FOCAD: variants seen among roughly 807,000 people sequenced by gnomAD.
FOCAD encodes KIAA1797.
A neutral mutation model predicts 225.6 loss-of-function variants in FOCAD; 198 were observed. That is an observed-to-expected ratio of 0.88 (90% CI 0.78 to 0.99). FOCAD has a LOEUF of 0.99. Ranked by LOEUF, FOCAD falls within the 50% of genes least tolerant of loss-of-function variation. The pLI, the probability that FOCAD is intolerant of heterozygous loss-of-function variation, is 0.00. For synonymous variants in FOCAD, 897 were observed against 755.0 expected, an observed-to-expected ratio of 1.19 and a Z score of -3.08; for missense variants, 2,713 against 2,123.6, an observed-to-expected ratio of 1.28 and a Z score of -5.46.
At position 20,762,280 on chromosome 9, in the gene FOCAD, A is replaced by G. The variant is rs373833605; in HGVS notation, c.495-2589A>G. Among the ~76,000 whole-genome samples the G allele has an allele frequency of 6.6e-5, 10 of 152,306 alleles. No homozygotes were observed. The South Asian group carries it at 8.3e-4, about 13-fold the overall frequency. ...CATACATTATCTGATTCCTTCATCT[A>G]TCTTTTTTTAGTTTCCGAAAGTAGA... On this transcript the variant is annotated intron_variant, in intron 6 of 43. Coordinates refer to ENST00000338382, the MANE Select transcript of FOCAD (RefSeq NM_001375567.1).
intron 15 of FOCAD, among the ~76,000 whole-genome samples, chr9:20,856,763 T>G (rs750025762): frequency 3.3e-5 from 5 of 152,102 alleles, no homozygotes; most frequent in Non-Finnish European, 5.9e-5. Context: ...GATTTGATTT[T>G]TATGTATGGT....
intron 15 of FOCAD, among the ~76,000 whole-genome samples, chr9:20,834,457 A>T (rs1171620415): frequency 6.6e-6 from 1 of 152,084 alleles, no homozygotes; most frequent in East Asian, 1.9e-4. Context: ...AAAAGTTGGA[A>T]AAAAGAAAAG....
chr9:20,926,600 A>G (rs1587632521), intron 26 of FOCAD, among the ~76,000 whole-genome samples, 183 bp downstream of exon 26: 1 of 152,096 alleles, frequency 6.6e-6, no homozygotes, highest in East Asian at 1.9e-4. Flanking sequence ...CCTGACCAAC[A>G]TGGAGAAACC....
At chr9:20,727,006 C>G (rs577224342) in intron 4 of FOCAD, among the ~76,000 whole-genome samples, 20 of 152,210 alleles carry the variant, frequency 1.3e-4, no homozygotes, top group African/African-American at 4.8e-4. Flanking sequence ...GCATTACTAT[C>G]TGAATTTGAT....
chr9:20,909,964 ATT>A (rs1156998576), intron 22 of FOCAD, among the ~76,000 whole-genome samples: 5 of 152,066 alleles, frequency 3.3e-5, no homozygotes, highest in African/African-American at 1.2e-4. Context: ...GTTTTATTCA[ATT>A]AAGCCTAGGA....
intron 35 of FOCAD, among the ~76,000 whole-genome samples, chr9:20,972,801 C>G (rs1358033109): frequency 6.6e-6 from 1 of 152,142 alleles, no homozygotes. Flanking sequence ...TCTTCTTCCA[C>G]CTTTTCAGTG....
At chr9:20,919,017 G>A (rs945796929) in intron 24 of FOCAD, among the ~76,000 whole-genome samples, 1 of 152,128 alleles carries the variant, frequency 6.6e-6, no homozygotes, top group African/African-American at 2.4e-5. Context: ...TTCAGAGCTA[G>A]AAGTTAAATG....
At chr9:20,966,928 A>G (rs530401386) in intron 35 of FOCAD, among the ~76,000 whole-genome samples, 3 of 152,142 alleles carry the variant, frequency 2.0e-5, no homozygotes, top group South Asian at 2.1e-4. Flanking sequence ...TTTGATTACT[A>G]TAGCTGTATA....
At chr9:20,672,855 C>G (rs371049541) in intron 2 of FOCAD, among the ~76,000 whole-genome samples, 5 of 152,346 alleles carry the variant, frequency 3.3e-5, no homozygotes, top group East Asian at 1.9e-4. Context: ...ACCAACAGGA[C>G]TCACCAAACT....
At chr9:20,850,343 G>A (rs763716645) in intron 15 of FOCAD, among the ~76,000 whole-genome samples, 13 of 151,732 alleles carry the variant, frequency 8.6e-5, no homozygotes, top group South Asian at 6.2e-4. Flanking sequence ...GGAGGTACAA[G>A]TGCAGGATTG....
intron 21 of FOCAD, among the ~76,000 whole-genome samples, chr9:20,889,778 G>A (rs559066216): frequency 6.6e-6 from 1 of 152,218 alleles, no homozygotes; most frequent in African/African-American, 2.4e-5. Flanking sequence ...CCACAAAAAA[G>A]TTTGCTGATT....
intron 15 of FOCAD, among the ~76,000 whole-genome samples, chr9:20,859,462 T>C (rs192003937): frequency 2.0e-5 from 3 of 151,400 alleles, no homozygotes; most frequent in Admixed American, 6.6e-5. Flanking sequence ...CCTTTAACTT[T>C]GAAGATTGTT....
rs571476927 is a variant in FOCAD at position 20,787,103 on chromosome 9, C to T, written c.1198-2248C>T. 7.8e-5 allele frequency: 20 copies of T among 257,408 alleles called. No homozygotes were observed. The East Asian group carries it at 2.1e-3, about 27-fold the overall frequency. The allele number at this position is 257,408 out of a possible 1,614,324, so 15.9% of individuals were successfully genotyped here. A position where few individuals can be genotyped will look rare whatever the true frequency, so the allele number is the denominator to read the frequency against. Reference sequence around the variant, plus strand: ...GCAAACAAACAAACAAACAAATAAACAAACAAACTTAAGAGCCTAAACCTG... The same window carrying T: ...GCAAACAAACAAACAAACAAATAAATAAACAAACTTAAGAGCCTAAACCTG... On this transcript the variant is annotated intron_variant, in intron 10 of 43. Coordinates refer to ENST00000338382, the MANE Select transcript of FOCAD (RefSeq NM_001375567.1).
chr9:20,773,323 T>G (rs1224287798), intron 8 of FOCAD, among the ~76,000 whole-genome samples: 1 of 152,234 alleles, frequency 6.6e-6, no homozygotes, highest in African/African-American at 2.4e-5. Context: ...TTCAAACTAG[T>G]GTGCATAAAA....
intron 1 of FOCAD, among the ~76,000 whole-genome samples, chr9:20,696,258 T>C (rs778717845): frequency 6.6e-6 from 1 of 152,218 alleles, no homozygotes; most frequent in Non-Finnish European, 1.5e-5. Flanking sequence ...ATATATAACA[T>C]GGTGACTATA....
intron 5 of FOCAD, among the ~76,000 whole-genome samples, chr9:20,750,913 TC>T (rs1828480265): frequency 6.6e-6 from 1 of 152,156 alleles, no homozygotes; most frequent in Non-Finnish European, 1.5e-5. Context: ...GCATCTGTAG[TC>T]CTGAGCAGTC....
intron 25 of FOCAD, among the ~76,000 whole-genome samples, chr9:20,925,548 A>G (rs1458600100): frequency 6.6e-6 from 1 of 152,230 alleles, no homozygotes; most frequent in Non-Finnish European, 1.5e-5. Context: ...ACTTTCAAAC[A>G]TTATTCAAAC....
chr9:20,956,902 C>A (rs933865493), intron 35 of FOCAD, among the ~76,000 whole-genome samples: 148 of 152,248 alleles, frequency 9.7e-4, no homozygotes, highest in African/African-American at 3.4e-3. Context: ...CCGTGGTGGT[C>A]AGGCTGGTCT....
intron 16 of FOCAD, among the ~76,000 whole-genome samples, chr9:20,864,305 G>A (rs1402420025): frequency 6.6e-6 from 1 of 151,972 alleles, no homozygotes; most frequent in African/African-American, 2.4e-5. Flanking sequence ...AGTCCAACCT[G>A]TTTACAACAA....
Sources: allele counts gnomAD v4.1 joint callset (sites outside exome capture counted in the v4.1 genomes callset), GRCh38; gene constraint gnomAD v4.1.1; transcripts MANE v1.5; gene names NCBI Gene and HGNC (gene_info 2026-07-23, HGNC 2026-07-21).